DSCAM: variants seen among roughly 807,000 people sequenced by gnomAD.
DSCAM encodes DS cell adhesion molecule.
DSCAM carries 47 observed loss-of-function variants against 217.7 expected under a neutral mutation model. That is an observed-to-expected ratio of 0.22 (90% CI 0.17 to 0.28). The LOEUF (loss-of-function observed/expected upper bound fraction) is 0.28. DSCAM is among the 10% of genes least tolerant of loss of function. DSCAM has a pLI of 1.00. For missense variants in DSCAM, 2,080 were observed against 2,618.3 expected, an observed-to-expected ratio of 0.79 and a Z score of 4.49; for synonymous variants, 1,056 against 1,015.3, an observed-to-expected ratio of 1.04 and a Z score of -0.76.
At chr21:40,530,707 C>A (rs2076436794) in intron 3 of DSCAM, among the ~76,000 whole-genome samples, 1 of 152,136 alleles carries the variant, frequency 6.6e-6, no homozygotes, top group African/African-American at 2.4e-5. Context: ...ACCCTTTCTC[C>A]ACCCTAAACC....
chr21:40,580,631 T>C (rs2076897622), intron 3 of DSCAM, among the ~76,000 whole-genome samples: 1 of 151,864 alleles, frequency 6.6e-6, no homozygotes, highest in Non-Finnish European at 1.5e-5. Flanking sequence ...AAAAAATCAA[T>C]AGAACTTATA....
intron 1 of DSCAM, among the ~76,000 whole-genome samples, chr21:40,749,763 T>C (rs2091208988): frequency 6.6e-6 from 1 of 152,196 alleles, no homozygotes; most frequent in Non-Finnish European, 1.5e-5. Context: ...GTTGAAGGGA[T>C]GTCTGTACTC....
In DSCAM at chr21:40,699,611, G is replaced by GA. The variant is rs377386333; in HGVS notation, c.362-6656dup. Reference sequence around the variant, plus strand: ...GAAACTACCTTACTGGTGGTGTGGAGAAAATTTGAGTAGATAGAAGATCTG... The same window carrying GA: ...GAAACTACCTTACTGGTGGTGTGGAGAAAAATTTGAGTAGATAGAAGATCTG... On this transcript the variant is annotated intron_variant, in intron 2 of 32. Transcript: ENST00000400454. Among the ~76,000 whole-genome samples the GA allele has an allele frequency of 4.2e-3, 644 of 152,310 alleles. 2 individuals carry two copies. Among genetic ancestry groups the GA allele is most frequent in the African/African-American group, 0.015 (603 of 41,572 alleles).
chr21:40,604,576 C>G (rs1427724223), intron 3 of DSCAM, among the ~76,000 whole-genome samples: 1 of 152,170 alleles, frequency 6.6e-6, no homozygotes, highest in African/African-American at 2.4e-5. Flanking sequence ...TGAATCTGGG[C>G]TGTATTTAAT....
Position 40,498,781 on chromosome 21 carries a change from G to A in DSCAM, c.509-129536C>T, listed in dbSNP as rs904544183. Among the ~76,000 whole-genome samples, 247 of 25,840 alleles carry A rather than the reference G, an allele frequency of 9.6e-3. 8 individuals carry two copies. The highest frequency in any genetic ancestry group is 0.014 in the Admixed American group (28 of 1,966). 17.0% of individuals were successfully genotyped at this position (25,840 alleles called of 152,430 possible). ...TGGGTGTATATATATATATGGGTGT[G>A]TATATATATATATATATATATATAT... On this transcript the variant is annotated intron_variant, in intron 3 of 32. Coordinates refer to ENST00000400454, the MANE Select transcript of DSCAM (RefSeq NM_001389.5).
At position 40,363,214 on chromosome 21, in the gene DSCAM, C is replaced by CT. The variant is rs935134042; in HGVS notation, c.655+5884dup. Among the ~76,000 whole-genome samples the CT allele has an allele frequency of 1.8e-4, 25 of 140,910 alleles. 1 individual carries two copies. The highest frequency in any genetic ancestry group is 4.2e-4 in the Admixed American group (6 of 14,220). The allele number at this position is 140,910 out of a possible 152,430, so 92.4% of individuals were successfully genotyped here. On this transcript the variant is annotated intron_variant, in intron 4 of 32. Coordinates refer to ENST00000400454, the MANE Select transcript of DSCAM (RefSeq NM_001389.5). ...TCAGTGGAAAGACTGAAAATTCATACTTTTTTTTTGAAGTGTGTACCAATA... is the reference window on the plus strand; with the variant it reads ...TCAGTGGAAAGACTGAAAATTCATACTTTTTTTTTTGAAGTGTGTACCAATA...
chr21:40,546,412 G>GAA (rs1207045393), intron 3 of DSCAM, among the ~76,000 whole-genome samples: 1 of 152,202 alleles, frequency 6.6e-6, no homozygotes, highest in Non-Finnish European at 1.5e-5. Context: ...CATGGGCTTT[G>GAA]GGTCTGACAG....
At chr21:40,235,406 G>A (rs2146931662) in intron 11 of DSCAM, among the ~76,000 whole-genome samples, 1 of 152,260 alleles carries the variant, frequency 6.6e-6, no homozygotes, top group Non-Finnish European at 1.5e-5. Flanking sequence ...TTCGCTGTAT[G>A]TTTAATTTGA....
At position 40,504,477 on chromosome 21, in the gene DSCAM, C is replaced by G. The variant is rs2076194748; in HGVS notation, c.509-135232G>C. On this transcript the variant is annotated intron_variant, in intron 3 of 32. Coordinates refer to ENST00000400454, the MANE Select transcript of DSCAM (RefSeq NM_001389.5). Reference sequence around the variant, plus strand: ...AGAACAGAATTCTCGATGTGGAATACTGTGGTTAGCGGGCATTACATTAAA... The same window carrying G: ...AGAACAGAATTCTCGATGTGGAATAGTGTGGTTAGCGGGCATTACATTAAA... Among the ~76,000 whole-genome samples the G allele has an allele frequency of 2.6e-5, 4 of 152,296 alleles. No individual in the cohort carries two copies. The South Asian group carries it at 8.3e-4, about 32-fold the overall frequency.
intron 3 of DSCAM, among the ~76,000 whole-genome samples, chr21:40,634,209 T>C (rs916100504): frequency 4.6e-5 from 7 of 152,190 alleles, no homozygotes; most frequent in African/African-American, 1.4e-4. Flanking sequence ...ACAGAAAGTT[T>C]GAAAACAATA....
At chr21:40,139,145 G>C (rs2090256734) in intron 18 of DSCAM, among the ~76,000 whole-genome samples, 1 of 150,266 alleles carries the variant, frequency 6.7e-6, no homozygotes, top group South Asian at 2.1e-4. Flanking sequence ...ATGTGGTGTG[G>C]TACATGGTGT....
intron 3 of DSCAM, among the ~76,000 whole-genome samples, chr21:40,409,206 T>C (rs1229071823): frequency 1.3e-5 from 2 of 152,340 alleles, no homozygotes; most frequent in East Asian, 1.9e-4. Flanking sequence ...AAAAGTTCCA[T>C]TAGAATGTAA....
chr21:40,208,372 C>T (rs2091147623), intron 11 of DSCAM, among the ~76,000 whole-genome samples: 2 of 152,214 alleles, frequency 1.3e-5, no homozygotes, highest in East Asian at 1.9e-4. Context: ...GAGAATAGCT[C>T]GAGCCTGGGA....
intron 2 of DSCAM, among the ~76,000 whole-genome samples, chr21:40,698,596 G>T (rs2090619746): frequency 6.6e-6 from 1 of 152,038 alleles, no homozygotes. Flanking sequence ...TAGGCTGGGT[G>T]CAGTGGCTCA....
At chr21:40,490,732 A>C (rs1400027857) in intron 3 of DSCAM, among the ~76,000 whole-genome samples, 1 of 152,102 alleles carries the variant, frequency 6.6e-6, no homozygotes, top group African/African-American at 2.4e-5. Context: ...TTTTATCCCC[A>C]CATTCTCTCC....
chr21:40,326,149 AG>A (rs902076463), intron 8 of DSCAM, among the ~76,000 whole-genome samples: 5 of 152,198 alleles, frequency 3.3e-5, no homozygotes, highest in Non-Finnish European at 1.5e-5. Flanking sequence ...GGTTGAAAAA[AG>A]GGGGGACAAG....
intron 3 of DSCAM, among the ~76,000 whole-genome samples, chr21:40,423,452 G>A (rs1428778017): frequency 6.6e-6 from 1 of 152,182 alleles, no homozygotes; most frequent in African/African-American, 2.4e-5. Context: ...CTGCGCATGC[G>A]GGAAGCTCGT....
In DSCAM at chr21:40,468,055, G is replaced by A. The variant is rs561169246; in HGVS notation, c.509-98810C>T. ...GCATTTCACCCTGACGAGATAAATTGATAGCTTATCTTCACAGGTGCGGGA... is the reference window on the plus strand; with the variant it reads ...GCATTTCACCCTGACGAGATAAATTAATAGCTTATCTTCACAGGTGCGGGA... On this transcript the variant is annotated intron_variant, in intron 3 of 32. Transcript: ENST00000400454. Among the ~76,000 whole-genome samples the A allele has an allele frequency of 5.3e-5, 8 of 151,788 alleles. No individual in the cohort carries two copies. In the South Asian group the frequency reaches 1.7e-3, roughly 32 times the overall value.
At chr21:40,301,566 T>C (rs564712024) in intron 9 of DSCAM, among the ~76,000 whole-genome samples, 20 of 112,440 alleles carry the variant, frequency 1.8e-4, no homozygotes, top group African/African-American at 1.2e-3. Context: ...TAAGATTAAG[T>C]GCTTCTCTGA....
Sources: allele counts gnomAD v4.1 joint callset (sites outside exome capture counted in the v4.1 genomes callset), GRCh38; gene constraint gnomAD v4.1.1; transcripts MANE v1.5; gene names NCBI Gene and HGNC (gene_info 2026-07-23, HGNC 2026-07-21).